Variants in PDXK observed in about 807,000 individuals in gnomAD.
PDXK encodes the protein epididymis secretory sperm binding protein Li 1a.
Under a neutral mutation model 43.2 loss-of-function variants are expected in PDXK, and 15 were observed. The observed-to-expected ratio is 0.35, with a 90% CI of 0.23 to 0.53. The LOEUF is 0.53. Ranked by LOEUF, PDXK falls within the 20% of genes least tolerant of loss-of-function variation. The pLI is 0.92. For synonymous variants in PDXK, 172 were observed against 165.4 expected (o/e 1.04, Z -0.31); for missense variants, 343 against 417.0 (o/e 0.82, Z 1.54).
intron 2 of PDXK, among the ~76,000 whole-genome samples, chr21:43,740,575 G>C (rs2083480994): frequency 1.3e-5 from 2 of 152,010 alleles, no homozygotes; most frequent in South Asian, 4.1e-4. Flanking sequence ...CCCCTGAGCA[G>C]TGCTTTGAGC....
intron 4 of PDXK, 46 bp downstream of exon 4, chr21:43,743,853 G>A: frequency 7.2e-7 from 1 of 1,394,768 alleles, no homozygotes; most frequent in Non-Finnish European, 1.0e-6. Flanking sequence ...GCCCCACACG[G>A]GTGGGGCTGG....
intron 1 of PDXK, among the ~76,000 whole-genome samples, chr21:43,731,792 C>T (rs951224098): frequency 6.6e-6 from 1 of 152,176 alleles, no homozygotes; most frequent in Non-Finnish European, 1.5e-5. Flanking sequence ...GAGCAACAAT[C>T]GTAGAGGCCG....
rs192154339 is a variant in PDXK, at chr21:43,727,357, G to A, written c.88-6712G>A. ...CCGTGCAATCAGCCGAGGAGGGGCC[G>A]GCAGCGCCTCCCTTCCTGCCCACAG... On this transcript the variant is annotated intron_variant, in intron 1 of 10. Coordinates refer to ENST00000291565, the MANE Select transcript of PDXK (RefSeq NM_003681.5). 1.3e-4 allele frequency among the ~76,000 whole-genome samples: 20 copies of A among 149,248 alleles called. No individual in the cohort carries two copies. The East Asian group carries it at 3.1e-3, about 23-fold the overall frequency.
In PDXK at chr21:43,734,890, G is replaced by A. The variant is rs771343241; in HGVS notation, c.142+767G>A. 3.9e-5 allele frequency among the ~76,000 whole-genome samples: 6 copies of A among 152,198 alleles called. No individual in the cohort carries two copies. Among genetic ancestry groups the A allele is most frequent in the African/African-American group, 7.2e-5 (3 of 41,432 alleles). On this transcript the variant is annotated intron_variant, in intron 2 of 10. Coordinates refer to ENST00000291565, the MANE Select transcript of PDXK (RefSeq NM_003681.5). This position sits in a 1 kb window ranked among gnomAD's most constrained non-coding sequence, Gnocchi z 5.0. The stretch of plus-strand genomic sequence containing the variant: ...CCCTGAAATTTCTCTGAACCCAGGC[G>A]GAACCTTGGGAGCACAGAACGTCCC...
Position 43,762,121 on chromosome 21 carries a change from G to A in PDXK, c.*6058G>A, listed in dbSNP as rs2083941678. On this transcript the variant is annotated 3_prime_UTR_variant, in exon 11 of 11. Transcript: ENST00000291565. ...CTGTCGCCTCCGTGGTCCCCCTGCT[G>A]AGGGAGTGCGGCCTCTGCAAGGTTC... 1 of 153,332 alleles carries A rather than the reference G, an allele frequency of 6.5e-6. No homozygotes were observed. Among genetic ancestry groups the A allele is most frequent in the Non-Finnish European group, 1.5e-5 (1 of 68,086 alleles). 9.5% of individuals were successfully genotyped at this position (153,332 alleles called of 1,614,324 possible). A position where few individuals can be genotyped will look rare whatever the true frequency, so the allele number is the denominator to read the frequency against.
In PDXK at chr21:43,735,427, C is replaced by A. The variant is rs2083386187; in HGVS notation, c.142+1304C>A. ...GGAGGGCCCCGGGCTTTGGCAATGC[C>A]TTCCAGGCTTGGTGGAAGCTTCTCA... On this transcript the variant is annotated intron_variant, in intron 2 of 10. Coordinates refer to ENST00000291565, the MANE Select transcript of PDXK (RefSeq NM_003681.5). This position sits in a 1 kb window ranked among gnomAD's most constrained non-coding sequence, Gnocchi z 5.3. Among the ~76,000 whole-genome samples the A allele has an allele frequency of 6.6e-6, 1 of 151,970 alleles. No individual in the cohort carries two copies. The highest frequency in any genetic ancestry group is 2.1e-4 in the South Asian group (1 of 4,820).
chr21:43,748,202 C>T (rs1447127453), intron 5 of PDXK, among the ~76,000 whole-genome samples: 1 of 152,220 alleles, frequency 6.6e-6, no homozygotes, highest in Non-Finnish European at 1.5e-5. Flanking sequence ...CTAAAGAAAA[C>T]CATGTGTTGC....
At chr21:43,746,256 CT>C (rs1568987680) in intron 5 of PDXK, 131 bp downstream of exon 5, 1 of 750,920 alleles carries the variant, frequency 1.3e-6, no homozygotes, top group African/African-American at 1.7e-5. Context: ...AAAGACAAAC[CT>C]TGTTAGGAAG....
In PDXK at chr21:43,758,196, A is replaced by G. The variant is rs1343552399; in HGVS notation, c.*2133A>G. The G allele has an allele frequency of 6.5e-6, 1 of 153,730 alleles. No individual in the cohort carries two copies. The highest frequency in any genetic ancestry group is 1.5e-5 in the Non-Finnish European group (1 of 68,032). The allele number at this position is 153,730 out of a possible 1,614,324, so 9.5% of individuals were successfully genotyped here. On this transcript the variant is annotated 3_prime_UTR_variant, in exon 11 of 11. Coordinates refer to ENST00000291565, the MANE Select transcript of PDXK (RefSeq NM_003681.5). The stretch of plus-strand genomic sequence containing the variant: ...TTCTTTGAGCTCGTTTCAGAGGCTG[A>G]GTCCCCACATCAGCTTTAGTTCTTG...
chr21:43,719,362 C>T lies in PDXK; in HGVS notation c.68C>T (p.Ala23Val), dbSNP rs1251053814. ...HVIRGYVGNRAATFPLQVLGF... is the reference protein window; with the variant it reads ...HVIRGYVGNRVATFPLQVLGF... The stretch of plus-strand genomic sequence containing the variant: ...ATCCGCGGCTACGTGGGCAACCGGG[C>T]GGCCACGTTCCCGCTGCAGGTACGC... The change falls in exon 1 of 11, where the codon GCG (alanine) becomes GTG (valine). Residue 23 changes from alanine (A) to valine (V), a missense_variant. Ala to Val is a moderately conservative substitution (Grantham distance 64, BLOSUM62 0). Coordinates refer to ENST00000291565, the MANE Select transcript of PDXK (RefSeq NM_003681.5). The T allele has an allele frequency of 6.6e-7, 1 of 1,524,368 alleles. No homozygotes were observed. Among genetic ancestry groups the T allele is most frequent in the Non-Finnish European group, 8.8e-7 (1 of 1,136,986 alleles). The allele number at this position is 1,524,368 out of a possible 1,614,324, so 94.4% of individuals were successfully genotyped here. A position where few individuals can be genotyped will look rare whatever the true frequency, so the allele number is the denominator to read the frequency against.
rs140836126 is a variant in PDXK, at chr21:43,737,958, G to T, written c.143-3709G>T. 136 of 985,536 alleles carry T rather than the reference G, an allele frequency of 1.4e-4. 2 individuals carry two copies. In the African/African-American group the frequency reaches 2.3e-3, roughly 17 times the overall value. The allele number at this position is 985,536 out of a possible 1,614,324, so 61.0% of individuals were successfully genotyped here. A position where few individuals can be genotyped will look rare whatever the true frequency, so the allele number is the denominator to read the frequency against. On this transcript the variant is annotated intron_variant, in intron 2 of 10. Transcript: ENST00000291565. This position sits in a 1 kb window ranked among gnomAD's most constrained non-coding sequence, Gnocchi z 4.8. ...AGTGGGCAGGAGGCCACCAAGAGGT[G>T]CAAGACCATGCCCTCTGTTTCGATA...
intron 1 of PDXK, among the ~76,000 whole-genome samples, chr21:43,724,459 C>T (rs2083233892): frequency 6.6e-6 from 1 of 152,142 alleles, no homozygotes. Flanking sequence ...CAGCGAGTAA[C>T]CCCGGGCTCC....
At chr21:43,728,167 G>A (rs540341402) in intron 1 of PDXK, among the ~76,000 whole-genome samples, 1 of 152,166 alleles carries the variant, frequency 6.6e-6, no homozygotes, top group African/African-American at 2.4e-5. Context: ...GCTCTGGGGG[G>A]CTCGGGGCCA....
chr21:43,744,122 A>G (rs1352292439), intron 4 of PDXK, among the ~76,000 whole-genome samples: 2 of 150,566 alleles, frequency 1.3e-5, no homozygotes, highest in African/African-American at 4.9e-5. Flanking sequence ...GTGTGACTAC[A>G]CTCACCCTAA....
chr21:43,731,995 T>C (rs543362024), intron 1 of PDXK: 107 of 282,260 alleles, frequency 3.8e-4, no homozygotes, highest in Admixed American at 8.8e-4. Flanking sequence ...GGGCATGCGA[T>C]GAGGAATTCT....
At position 43,723,218 on chromosome 21, in the gene PDXK, G is replaced by A. The variant is rs780812701; in HGVS notation, c.87+3837G>A. On this transcript the variant is annotated intron_variant, in intron 1 of 10. Transcript: ENST00000291565. The surrounding 1 kb of genome is among the most constrained non-coding windows in gnomAD (Gnocchi z 4.1). ...CGCTCAGGCTGAAGTACAATGGAGC[G>A]ATCTAGGCTCACTGCAACCTCCCCC... is the stretch of plus-strand genomic sequence containing the variant. Among the ~76,000 whole-genome samples, 28 of 150,176 alleles carry A rather than the reference G, an allele frequency of 1.9e-4. No individual in the cohort carries two copies. The highest frequency in any genetic ancestry group is 2.0e-4 in the East Asian group (1 of 5,120).
At position 43,743,750 on chromosome 21, in the gene PDXK, G is replaced by T. The variant is rs539421520; in HGVS notation, c.274G>T (p.Ala92Ser). Residue 92 changes from alanine to serine, a missense_variant, in exon 4 of 11, where the codon GCC becomes TCC. By Grantham distance (99) the Ala-to-Ser change is moderately conservative (BLOSUM62 1). Coordinates refer to ENST00000291565, the MANE Select transcript of PDXK (RefSeq NM_003681.5). The part of the protein sequence containing the change: ...TGYTRDKSFL[A>S]MVVDIVQELK... The stretch of plus-strand genomic sequence containing the variant: ...TTATACGAGGGACAAGTCGTTCCTG[G>T]CCATGGTGGTGGACATTGTGCAGGA... 3.3e-5 allele frequency: 53 copies of T among 1,613,780 alleles called. No homozygotes were observed. In the South Asian group the frequency reaches 5.4e-4, roughly 16 times the overall value.
rs1015358688 is a variant in PDXK, at chr21:43,735,071, G to A, written c.142+948G>A. Among the ~76,000 whole-genome samples, 3 of 152,318 alleles carry A rather than the reference G, an allele frequency of 2.0e-5. No individual in the cohort carries two copies. The highest frequency in any genetic ancestry group is 2.9e-5 in the Non-Finnish European group (2 of 68,016). Reference sequence around the variant, plus strand: ...AAAGAGTTGCTTGGCCGGTGCAGACGGACAGGCTCCAGCTCTTGGCGGTGC... The same window carrying A: ...AAAGAGTTGCTTGGCCGGTGCAGACAGACAGGCTCCAGCTCTTGGCGGTGC... On this transcript the variant is annotated intron_variant, in intron 2 of 10. Coordinates refer to ENST00000291565, the MANE Select transcript of PDXK (RefSeq NM_003681.5). This position sits in a 1 kb window ranked among gnomAD's most constrained non-coding sequence, Gnocchi z 5.3.
At chr21:43,728,674 C>G in intron 1 of PDXK, 1 of 977,704 alleles carries the variant, frequency 1.0e-6, no homozygotes, top group African/African-American at 1.7e-5. Context: ...GGGAGGAGCC[C>G]GAGGCAGCCA....
Sources: allele counts gnomAD v4.1 joint callset (sites outside exome capture counted in the v4.1 genomes callset), GRCh38; gene constraint gnomAD v4.1.1; non-coding constraint Gnocchi (gnomAD v3.1); transcripts MANE v1.5; gene names NCBI Gene and HGNC (gene_info 2026-07-23, HGNC 2026-07-21).